The following CACHD1 variants were observed in gnomAD, a reference collection of about 807,000 sequenced individuals.
CACHD1 encodes cache domain containing 1, also known as VWFA and cache domain-containing protein 1.
Under a neutral mutation model 138.7 loss-of-function variants are expected in CACHD1, and 71 were observed. The ratio of observed to expected loss-of-function variants is 0.51; its 90% CI spans 0.42 to 0.62. The LOEUF is 0.62. Among genes scored for constraint, CACHD1 ranks in the 20% least tolerant of loss-of-function variants. CACHD1 has a pLI of 0.00. For synonymous variants in CACHD1, 578 were observed against 591.5 expected (o/e 0.98, Z 0.33); for missense variants, 1,389 against 1,625.3 (o/e 0.85, Z 2.50).
rs535122159 is a variant in CACHD1, at chr1:64,647,695, G to T, written c.1157-106G>T. 8.1e-4 allele frequency: 698 copies of T among 865,482 alleles called. 12 individuals carry two copies. In the South Asian group the frequency reaches 0.011, roughly 13 times the overall value. 53.6% of individuals were successfully genotyped at this position (865,482 alleles called of 1,614,324 possible). Reference sequence around the variant, plus strand: ...TGTGGTCTCTGCAAAAACCCCTTTGGTATTACAAGACCTCATCCATGCCCG... The same window carrying T: ...TGTGGTCTCTGCAAAAACCCCTTTGTTATTACAAGACCTCATCCATGCCCG... On this transcript the variant is annotated intron_variant, in intron 8 of 26. Coordinates refer to ENST00000651257, the MANE Select transcript of CACHD1 (RefSeq NM_020925.4).
intron 1 of CACHD1, among the ~76,000 whole-genome samples, chr1:64,477,599 T>TATC (rs1646181376): frequency 7.0e-6 from 1 of 143,104 alleles, no homozygotes; most frequent in Non-Finnish European, 1.5e-5. Context: ...TTATTATTAT[T>TATC]ATTATTATTA....
Position 64,658,828 on chromosome 1 carries a change from G to C in CACHD1, c.1906G>C (p.Gly636Arg). ...GCTGTACCACCGGCTGGATCTCCTT[G>C]GCCAGCCCAGTGCTTGCCTCCACTT... is the stretch of plus-strand genomic sequence containing the variant. ...KLLYHRLDLL[G>R]QPSACLHFKQ... Residue 636 changes from glycine (G) to arginine (R), a missense_variant, in exon 13 of 27, where the codon GGC becomes CGC. This residue lies in a region of CACHD1 where 1,000 missense variants were observed against 1,114.7 expected (regional missense o/e 0.90). Coordinates refer to ENST00000651257, the MANE Select transcript of CACHD1 (RefSeq NM_020925.4). 6.3e-7 allele frequency: 1 copy of C among 1,588,222 alleles called. No homozygotes were observed. Among genetic ancestry groups the C allele is most frequent in the Non-Finnish European group, 8.6e-7 (1 of 1,164,540 alleles).
intron 1 of CACHD1, among the ~76,000 whole-genome samples, chr1:64,523,193 T>G (rs1366085880): frequency 6.6e-6 from 1 of 152,230 alleles, no homozygotes; most frequent in East Asian, 1.9e-4. Flanking sequence ...TAATTGTAGA[T>G]GACACAATAT....
At chr1:64,664,752 A>G in intron 15 of CACHD1, 73 bp downstream of exon 15, 1 of 1,368,906 alleles carries the variant, frequency 7.3e-7, no homozygotes, top group Admixed American at 2.1e-5. Flanking sequence ...TACATACAAT[A>G]AAGCAACTTC....
At chr1:64,477,145 C>G (rs2100263477) in intron 1 of CACHD1, among the ~76,000 whole-genome samples, 1 of 152,202 alleles carries the variant, frequency 6.6e-6, no homozygotes, top group Non-Finnish European at 1.5e-5. Context: ...AAAGGATAAC[C>G]AAGTGTCTAG....
Position 64,679,809 on chromosome 1 carries a change from G to A in CACHD1, c.3406+53G>A, listed in dbSNP as rs545010851. ...AGGCAGCAGCCAGGCTAGAAGGACA[G>A]TGGCGGGTTGTGTAAGCCTCTAAGG... On this transcript the variant is annotated intron_variant, in intron 24 of 26. Coordinates refer to ENST00000651257, the MANE Select transcript of CACHD1 (RefSeq NM_020925.4). 9 of 1,590,272 alleles carry A rather than the reference G, an allele frequency of 5.7e-6. No individual in the cohort carries two copies. The East Asian group carries it at 1.8e-4, about 32-fold the overall frequency.
At chr1:64,543,659 T>G (rs1318172846) in intron 1 of CACHD1, among the ~76,000 whole-genome samples, 14 of 151,614 alleles carry the variant, frequency 9.2e-5, no homozygotes, top group Admixed American at 9.2e-4. Context: ...CATCAGAGAA[T>G]GCCGTTTTTA....
At position 64,582,366 on chromosome 1, in the gene CACHD1, T is replaced by C. The variant is rs1293065366; in HGVS notation, c.410+62T>C. On this transcript the variant is annotated intron_variant, in intron 3 of 26. Coordinates refer to ENST00000651257, the MANE Select transcript of CACHD1 (RefSeq NM_020925.4). The stretch of plus-strand genomic sequence containing the variant: ...GACATTGAATTGCTTATACATTTCA[T>C]TTCATATTCAAAATACCTGTGTTTA... 3 of 1,421,652 alleles carry C rather than the reference T, an allele frequency of 2.1e-6. No homozygotes were observed. In the Admixed American group the frequency reaches 5.5e-5, roughly 26 times the overall value. The allele number at this position is 1,421,652 out of a possible 1,614,324, so 88.1% of individuals were successfully genotyped here.
Position 64,629,368 on chromosome 1 carries a change from C to T in CACHD1, c.531C>T (p.Asn177=), listed in dbSNP as rs1196441108. The change falls in exon 5 of 27, where the codon AAC becomes AAT. Residue 177 remains asparagine (N), a synonymous_variant. Transcript: ENST00000651257. The stretch of plus-strand genomic sequence containing the variant: ...TTACACCTCTAGTTCTTGCAGACAA[C>T]CTGAAATCCAACCCTGGAATTAAGT... The part of the protein sequence containing the change: ...GRDLNSVLAD[N]LKSNPGIKWQ... The T allele has an allele frequency of 1.9e-6, 3 of 1,613,742 alleles. No individual in the cohort carries two copies. Among genetic ancestry groups the T allele is most frequent in the Non-Finnish European group, 2.5e-6 (3 of 1,179,900 alleles).
chr1:64,661,208 A>G (rs139854742), intron 13 of CACHD1, among the ~76,000 whole-genome samples: 2 of 152,338 alleles, frequency 1.3e-5, no homozygotes, highest in Non-Finnish European at 2.9e-5. Flanking sequence ...TTTAGAGGCC[A>G]GGTCTTAAAT....
intron 12 of CACHD1, among the ~76,000 whole-genome samples, chr1:64,656,634 T>C (rs920856432): frequency 6.6e-6 from 1 of 152,160 alleles, no homozygotes; most frequent in African/African-American, 2.4e-5. Context: ...TTTTCAACGA[T>C]GCTAGTAAAT....
At chr1:64,491,687 G>T (rs758579473) in intron 1 of CACHD1, among the ~76,000 whole-genome samples, 8 of 152,158 alleles carry the variant, frequency 5.3e-5, no homozygotes, top group Admixed American at 2.6e-4. Flanking sequence ...GCCCAGCTTG[G>T]CTCACTGCAG....
At position 64,673,246 on chromosome 1, in the gene CACHD1, A is replaced by C. The variant is rs1224017947; in HGVS notation, c.2599A>C (p.Ile867Leu). 3.7e-6 allele frequency: 6 copies of C among 1,613,996 alleles called. No homozygotes were observed. Among genetic ancestry groups the C allele is most frequent in the South Asian group, 2.2e-5 (2 of 91,084 alleles). The change falls in exon 18 of 27, where the codon ATC (isoleucine) becomes CTC (leucine). Residue 867 changes from isoleucine to leucine, a missense_variant. Transcript: ENST00000651257. ...KGHAPVEQQH[I>L]THKEPLVAND... is the part of the protein sequence containing the mutation. ...ACATGCACCTGTGGAGCAGCAGCAC[A>C]TCACCCACAAGGTATTTGTCACAAA...
At chr1:64,624,620 A>G (rs905417654) in intron 4 of CACHD1, among the ~76,000 whole-genome samples, 1 of 152,174 alleles carries the variant, frequency 6.6e-6, no homozygotes, top group Non-Finnish European at 1.5e-5. Context: ...CCTGGCAGAG[A>G]GGCGAGAAGA....
rs574279665 is a variant in CACHD1, at chr1:64,588,888, T to A, written c.410+6584T>A. On this transcript the variant is annotated intron_variant, in intron 3 of 26. Transcript: ENST00000651257. ...TTTTATTCTTTTTTGTGTCTCCAAG[T>A]GGGGTTCAGTGCTGTTATCCTCATT... Among the ~76,000 whole-genome samples, 11 of 152,278 alleles carry A rather than the reference T, an allele frequency of 7.2e-5. No individual in the cohort carries two copies. The East Asian group carries it at 1.9e-3, about 27-fold the overall frequency.
chr1:64,580,398 G>A (rs1647002667), intron 2 of CACHD1, among the ~76,000 whole-genome samples: 1 of 152,048 alleles, frequency 6.6e-6, no homozygotes, highest in South Asian at 2.1e-4. Context: ...CTAGTAACGT[G>A]CAATTTATCC....
intron 3 of CACHD1, among the ~76,000 whole-genome samples, chr1:64,594,502 C>CTGTGTGTGCTTG (rs148773003): frequency 6.6e-6 from 1 of 152,112 alleles, no homozygotes; most frequent in Non-Finnish European, 1.5e-5. Context: ...TGCCATTTCC[C>CTGTGTGTGCTTG]TGTGTGTGCT....
chr1:64,689,919 T>C (rs929946005), intron 26 of CACHD1, among the ~76,000 whole-genome samples: 1 of 152,204 alleles, frequency 6.6e-6, no homozygotes, highest in Non-Finnish European at 1.5e-5. Context: ...GCACTTACCA[T>C]TATCTGTGTA....
chr1:64,534,780 C>T (rs554125387), intron 1 of CACHD1, among the ~76,000 whole-genome samples: 2 of 152,352 alleles, frequency 1.3e-5, no homozygotes, highest in South Asian at 4.1e-4. Context: ...GGACATTCAC[C>T]TAAGGAAGGC....
Sources: gnomAD v4.1 joint callset for allele counts (sites outside exome capture counted in the v4.1 genomes callset) on GRCh38, gnomAD v4.1.1 for gene constraint, gnomAD v4.1.1 regional missense constraint, MANE v1.5 for transcripts, NCBI Gene and HGNC (gene_info 2026-07-23, HGNC 2026-07-21) for gene names.